DOCK1: variants seen among roughly 807,000 people sequenced by gnomAD.
The protein encoded by DOCK1 is dedicator of cytokinesis 1.
In DOCK1, 138 loss-of-function variants were observed where a neutral mutation model predicts 262.7. That is an observed-to-expected ratio of 0.53 (90% CI 0.46 to 0.61). The LOEUF (loss-of-function observed/expected upper bound fraction) is 0.61. Among genes scored for constraint, DOCK1 ranks in the 20% least tolerant of loss-of-function variants. The pLI is 0.00. For synonymous variants in DOCK1, 866 were observed against 867.4 expected (o/e 1.00, Z 0.03); for missense variants, 1,908 against 2,370.7 (o/e 0.80, Z 4.05).
At chr10:127,284,539 T>C (rs1488414627) in intron 29 of DOCK1, among the ~76,000 whole-genome samples, 1 of 152,220 alleles carries the variant, frequency 6.6e-6, no homozygotes, top group Non-Finnish European at 1.5e-5. Flanking sequence ...GTTCTTCCAG[T>C]TAAGGTTTTA....
intron 27 of DOCK1, among the ~76,000 whole-genome samples, chr10:127,205,652 A>G (rs2057685672): frequency 6.6e-6 from 1 of 152,186 alleles, no homozygotes; most frequent in Non-Finnish European, 1.5e-5. Flanking sequence ...CTTCGATGAC[A>G]ATACATATTT....
chr10:127,026,242 C>A, intron 15 of DOCK1, 110 bp from the exon 16 acceptor site: 1 of 1,048,490 alleles, frequency 9.5e-7, no homozygotes, highest in Non-Finnish European at 1.4e-6. Context: ...GTATTTTCAC[C>A]ACTGCAGTTA....
intron 38 of DOCK1, among the ~76,000 whole-genome samples, chr10:127,386,381 A>C (rs1349614947): frequency 6.6e-6 from 1 of 152,150 alleles, no homozygotes; most frequent in Non-Finnish European, 1.5e-5. Context: ...ACCAGGCTGC[A>C]CAGCAGCAGG....
chr10:127,133,853 TG>T (rs2050477091), intron 27 of DOCK1, among the ~76,000 whole-genome samples: 2 of 152,354 alleles, frequency 1.3e-5, no homozygotes, highest in Admixed American at 6.5e-5. Context: ...ACCACAGAGT[TG>T]TTTACTTTCA....
chr10:127,261,538 G>GGTGT (rs745945561), intron 29 of DOCK1, among the ~76,000 whole-genome samples: 2 of 98,458 alleles, frequency 2.0e-5, no homozygotes, highest in African/African-American at 4.1e-5. Context: ...TGTGCATGTG[G>GGTGT]GTGTGTGTGT....
intron 27 of DOCK1, among the ~76,000 whole-genome samples, chr10:127,246,164 A>G (rs1401687659): frequency 6.6e-6 from 1 of 152,188 alleles, no homozygotes; most frequent in Non-Finnish European, 1.5e-5. Flanking sequence ...CCTTAGAGGA[A>G]GAGTTAAAAT....
intron 29 of DOCK1, among the ~76,000 whole-genome samples, chr10:127,259,115 C>T (rs2134973519): frequency 6.6e-6 from 1 of 152,318 alleles, no homozygotes; most frequent in Non-Finnish European, 1.5e-5. Context: ...TCAAAGATGG[C>T]ATCTGAGAGT....
intron 24 of DOCK1, among the ~76,000 whole-genome samples, chr10:127,109,006 A>C (rs1012643867): frequency 2.0e-5 from 3 of 152,234 alleles, no homozygotes; most frequent in Non-Finnish European, 4.4e-5. Context: ...TTTTTAAAAA[A>C]AATATATTAT....
chr10:127,224,889 G>A (rs765302679), intron 27 of DOCK1, among the ~76,000 whole-genome samples: 1 of 152,066 alleles, frequency 6.6e-6, no homozygotes, highest in Non-Finnish European at 1.5e-5. Context: ...GGGTCAAGAC[G>A]ATGGAGCCAT....
At chr10:127,222,628 TTTGTGTTGTG>T (rs71032542) in intron 27 of DOCK1, among the ~76,000 whole-genome samples, 44,594 of 145,462 alleles carry the variant, frequency 0.31, 6,988 homozygotes, top group South Asian at 0.42. Context: ...GTGTTTTTGT[TTTGTGTTGTG>T]TTGTGTTGTG....
Position 127,314,810 on chromosome 10 carries a change from C to T in DOCK1, c.3045-24196C>T, listed in dbSNP as rs151284291. 3.5e-4 allele frequency among the ~76,000 whole-genome samples: 54 copies of T among 152,264 alleles called. No individual in the cohort carries two copies. In the East Asian group the frequency reaches 9.9e-3, roughly 28 times the overall value. On this transcript the variant is annotated intron_variant, in intron 29 of 51. Coordinates refer to ENST00000623213, the MANE Select transcript of DOCK1 (RefSeq NM_001290223.2). Reference sequence around the variant, plus strand: ...TTGCCATGTGTGTGCTGACCTCGCACCCTCCTAGGGGAGGCAGGGGGCTGA... The same window carrying T: ...TTGCCATGTGTGTGCTGACCTCGCATCCTCCTAGGGGAGGCAGGGGGCTGA...
chr10:126,922,479 G>A (rs920102728), intron 1 of DOCK1, among the ~76,000 whole-genome samples: 2 of 152,082 alleles, frequency 1.3e-5, no homozygotes, highest in African/African-American at 4.8e-5. Context: ...CATTATTTTT[G>A]TAACAACCAG....
intron 38 of DOCK1, among the ~76,000 whole-genome samples, chr10:127,397,017 CT>C (rs1453660601): frequency 5.3e-5 from 7 of 132,362 alleles, no homozygotes; most frequent in Non-Finnish European, 1.1e-4. Flanking sequence ...CCTATGTGAT[CT>C]GAGCATGAGT....
intron 1 of DOCK1, among the ~76,000 whole-genome samples, chr10:126,941,654 C>T (rs1306267541): frequency 6.6e-6 from 1 of 152,086 alleles, no homozygotes; most frequent in Non-Finnish European, 1.5e-5. Context: ...ACTCGGGAGG[C>T]TGAGGCAGGA....
chr10:127,446,229 G>A lies in DOCK1; in HGVS notation c.5414-1165G>A, dbSNP rs958035327. ...CGCACCACTGCACTCCAGCCTGGGCGACACAGCGAGACTCCATCCCAAACA... is the reference window on the plus strand; with the variant it reads ...CGCACCACTGCACTCCAGCCTGGGCAACACAGCGAGACTCCATCCCAAACA... On this transcript the variant is annotated intron_variant, in intron 50 of 51. Coordinates refer to ENST00000623213, the MANE Select transcript of DOCK1 (RefSeq NM_001290223.2). This position sits in a 1 kb window ranked among gnomAD's most constrained non-coding sequence, Gnocchi z 4.4. Among the ~76,000 whole-genome samples, 15 of 150,700 alleles carry A rather than the reference G, an allele frequency of 1.0e-4. No individual in the cohort carries two copies. Among genetic ancestry groups the A allele is most frequent in the African/African-American group, 9.8e-5 (4 of 40,932 alleles).
intron 27 of DOCK1, among the ~76,000 whole-genome samples, chr10:127,178,393 G>C (rs922400579): frequency 6.6e-6 from 1 of 152,202 alleles, no homozygotes; most frequent in Non-Finnish European, 1.5e-5. Context: ...TGTTGGAGGG[G>C]CTTTGCTGTG....
chr10:127,177,968 G>A (rs764848507), intron 27 of DOCK1, among the ~76,000 whole-genome samples: 1 of 152,178 alleles, frequency 6.6e-6, no homozygotes, highest in Admixed American at 6.5e-5. Flanking sequence ...TTAGTGGACC[G>A]CTGAATCCAT....
chr10:126,956,711 T>A (rs958919072), intron 1 of DOCK1, among the ~76,000 whole-genome samples: 3 of 152,168 alleles, frequency 2.0e-5, no homozygotes, highest in Non-Finnish European at 4.4e-5. Flanking sequence ...GCTGTCATCC[T>A]CCCATTTCAT....
At chr10:126,965,182 T>A (rs1164360819) in intron 1 of DOCK1, among the ~76,000 whole-genome samples, 2 of 152,256 alleles carry the variant, frequency 1.3e-5, no homozygotes, top group African/African-American at 4.8e-5. Flanking sequence ...GCGTGTAACT[T>A]CTTCTTGGTA....
Sources: gnomAD v4.1 joint callset for allele counts (sites outside exome capture counted in the v4.1 genomes callset) on GRCh38, gnomAD v4.1.1 for gene constraint, Gnocchi (gnomAD v3.1) non-coding constraint, MANE v1.5 for transcripts, NCBI Gene and HGNC (gene_info 2026-07-23, HGNC 2026-07-21) for gene names.